Variants in GLRX observed in about 807,000 individuals in gnomAD.
The protein encoded by GLRX is glutaredoxin-1.
GLRX carries 9 observed loss-of-function variants against 11.1 expected under a neutral mutation model. The ratio of observed to expected loss-of-function variants is 0.81; its 90% CI spans 0.49 to 1.42. GLRX has a LOEUF of 1.42. Among genes scored for constraint, GLRX ranks in the 40% most tolerant of loss-of-function variants. The probability of loss-of-function intolerance (pLI) is 0.00; values close to 1 mark genes in which losing one functional copy is unlikely to be tolerated. For missense variants in GLRX, 102 were observed against 126.2 expected, an observed-to-expected ratio of 0.81 and a Z score of 0.92; for synonymous variants, 49 against 49.5, an observed-to-expected ratio of 0.99 and a Z score of 0.04.
At chr5:95,821,674 T>C (rs1747242859) in intron 1 of GLRX, among the ~76,000 whole-genome samples, 1 of 152,180 alleles carries the variant, frequency 6.6e-6, no homozygotes, top group Admixed American at 6.5e-5. Flanking sequence ...CTGGCATCCC[T>C]CCTGAAGCCC....
intron 2 of GLRX, among the ~76,000 whole-genome samples, chr5:95,815,810 GC>G (rs1175430252): frequency 6.6e-6 from 1 of 152,186 alleles, no homozygotes; most frequent in African/African-American, 2.4e-5. Flanking sequence ...GAGTTGATTT[GC>G]CAAGTGAACA....
intron 1 of GLRX, chr5:95,818,163 G>A (rs936467189): frequency 6.6e-6 from 1 of 152,144 alleles, no homozygotes; most frequent in South Asian, 2.1e-4. Context: ...TGTGCTCAGT[G>A]TCTGGCAAAG....
At chr5:95,819,381 A>G (rs1295220923) in intron 1 of GLRX, 1 of 152,244 alleles carries the variant, frequency 6.6e-6, no homozygotes, top group Non-Finnish European at 1.5e-5. Flanking sequence ...ATGCCCAAAG[A>G]AGTTCTTCAG....
At chr5:95,814,814 T>G (rs1403588856) in intron 2 of GLRX, 2 of 153,362 alleles carry the variant, frequency 1.3e-5, no homozygotes, top group Non-Finnish European at 2.9e-5. Flanking sequence ...GGCCCTGTGA[T>G]TAAGAGCAAG....
At chr5:95,816,791 ACATTATTAACTCGAGAATGTTTTT>A in intron 1 of GLRX, 165 bp from the exon 2 acceptor site, 1 of 528,136 alleles carries the variant, frequency 1.9e-6, no homozygotes. Context: ...ATAAGGGGTA[ACATTATTAACTCGAGAATGTTTTT>A]ACGCCAGAAG....
chr5:95,822,159 ACT>A (rs1051599422), intron 1 of GLRX: 4 of 444,704 alleles, frequency 9.0e-6, no homozygotes, highest in African/African-American at 7.9e-5. Context: ...TAAAACAAAG[ACT>A]CTAGATAATT....
At chr5:95,819,897 C>CAAAAA (rs35347478) in intron 1 of GLRX, among the ~76,000 whole-genome samples, 1,549 of 54,028 alleles carry the variant, frequency 0.029, 171 homozygotes, top group African/African-American at 0.082. Context: ...GACTCCGTCT[C>CAAAAA]AAAAAAAAAA....
intron 1 of GLRX, among the ~76,000 whole-genome samples, chr5:95,822,036 A>G (rs959575764): frequency 3.3e-5 from 5 of 152,312 alleles, no homozygotes; most frequent in East Asian, 1.9e-4. Flanking sequence ...CCTAGAGAAA[A>G]GAATGAAGAA....
chr5:95,816,527 C>T lies in GLRX; in HGVS notation c.307G>A (p.Gly103Arg), dbSNP rs142466878. ...CTCACCTGTGGTTACTGCAGAGCTCCAATCTGCTTTAGCCGCGTCAGCAGT... is the reference window on the plus strand; with the variant it reads ...CTCACCTGTGGTTACTGCAGAGCTCTAATCTGCTTTAGCCGCGTCAGCAGT... ...GELLTRLKQI[G>R]ALQ The change falls in exon 2 of 3, where the codon GGA (glycine) becomes AGA (arginine). Residue 103 changes from glycine to arginine, a missense_variant. Coordinates refer to ENST00000237858, the MANE Select transcript of GLRX (RefSeq NM_001118890.2). The T allele has an allele frequency of 2.7e-5, 42 of 1,578,170 alleles. No homozygotes were observed. The highest frequency in any genetic ancestry group is 3.3e-5 in the South Asian group (3 of 90,376).
intron 1 of GLRX, among the ~76,000 whole-genome samples, chr5:95,820,582 G>A (rs1420046515): frequency 6.7e-6 from 1 of 150,362 alleles, no homozygotes; most frequent in Admixed American, 6.7e-5. Context: ...GGTGGCAGGT[G>A]CCCGTAATTC....
chr5:95,820,540 C>T (rs940648129), intron 1 of GLRX, among the ~76,000 whole-genome samples: 4 of 151,238 alleles, frequency 2.6e-5, no homozygotes, highest in African/African-American at 9.7e-5. Flanking sequence ...GAAACCCCAT[C>T]TCTAATAAAA....
intron 2 of GLRX, chr5:95,815,051 T>C (rs947100851): frequency 1.3e-5 from 2 of 152,462 alleles, no homozygotes; most frequent in African/African-American, 2.4e-5. Context: ...AAACACACTC[T>C]GTTGCAGATG....
At chr5:95,820,386 TTAC>T (rs1272672447) in intron 1 of GLRX, among the ~76,000 whole-genome samples, 4 of 141,078 alleles carry the variant, frequency 2.8e-5, no homozygotes, top group African/African-American at 1.0e-4. Context: ...CCTTAAAAGA[TTAC>T]TACAAGAAAT....
chr5:95,820,366 A>AAC (rs1342457134), intron 1 of GLRX, among the ~76,000 whole-genome samples: 2 of 150,752 alleles, frequency 1.3e-5, no homozygotes, highest in African/African-American at 4.9e-5. Context: ...AAAAAAAAAA[A>AAC]AAAAAAAAAC....
In GLRX at chr5:95,822,130, G is replaced by A. The variant is rs28926198; in HGVS notation, c.207+326C>T. 5.0e-4 allele frequency: 168 copies of A among 336,334 alleles called. 1 individual carries two copies. The highest frequency in any genetic ancestry group is 3.3e-3 in the African/African-American group (160 of 48,546). The allele number at this position is 336,334 out of a possible 1,614,324, so 20.8% of individuals were successfully genotyped here. ...CCTCCAGCCCTGCCAACTGAAAACT[G>A]TCATTTCCTGGCAGTGCTTAAAACA... On this transcript the variant is annotated intron_variant, in intron 1 of 2. Coordinates refer to ENST00000237858, the MANE Select transcript of GLRX (RefSeq NM_001118890.2).
At chr5:95,814,840 A>C (rs1424732528) in intron 2 of GLRX, 2 of 155,348 alleles carry the variant, frequency 1.3e-5, no homozygotes, top group Non-Finnish European at 2.9e-5. Context: ...CCACTTTTAA[A>C]TACTGAGCCA....
intron 2 of GLRX, among the ~76,000 whole-genome samples, chr5:95,815,561 C>T (rs1746960266): frequency 6.6e-6 from 1 of 152,202 alleles, no homozygotes; most frequent in Non-Finnish European, 1.5e-5. Flanking sequence ...TTCATTTCTC[C>T]CTCAACTAAA....
At chr5:95,821,363 A>C (rs963537202) in intron 1 of GLRX, among the ~76,000 whole-genome samples, 1 of 152,178 alleles carries the variant, frequency 6.6e-6, no homozygotes, top group South Asian at 2.1e-4. Flanking sequence ...AGGCAGCAAG[A>C]GCTTCTCTCG....
chr5:95,821,782 T>G (rs924431364), intron 1 of GLRX, among the ~76,000 whole-genome samples: 1 of 152,158 alleles, frequency 6.6e-6, no homozygotes, highest in Admixed American at 6.5e-5. Flanking sequence ...CAAATGGGAC[T>G]CTGAGGTCAC....
Sources: allele counts gnomAD v4.1 joint callset (sites outside exome capture counted in the v4.1 genomes callset), GRCh38; gene constraint gnomAD v4.1.1; transcripts MANE v1.5; gene names NCBI Gene and HGNC (gene_info 2026-07-23, HGNC 2026-07-21).